The following ARHGAP26 variants were observed in gnomAD, a reference collection of about 807,000 sequenced individuals.
ARHGAP26 encodes the protein rho GTPase-activating protein 26.
In ARHGAP26, 38 loss-of-function variants were observed where a neutral mutation model predicts 104.8. The ratio of observed to expected loss-of-function variants is 0.36; its 90% CI spans 0.28 to 0.48. The LOEUF (loss-of-function observed/expected upper bound fraction) is 0.48. Among genes scored for constraint, ARHGAP26 ranks in the 20% least tolerant of loss-of-function variants. ARHGAP26 has a pLI of 0.99. For missense variants in ARHGAP26, 704 were observed against 947.9 expected, an observed-to-expected ratio of 0.74 and a Z score of 3.38; for synonymous variants, 341 against 340.0, an observed-to-expected ratio of 1.00 and a Z score of -0.03.
intron 1 of ARHGAP26, among the ~76,000 whole-genome samples, chr5:142,815,742 G>A (rs569812062): frequency 2.6e-5 from 4 of 152,032 alleles, no homozygotes; most frequent in African/African-American, 7.2e-5. Flanking sequence ...AGACTCATTC[G>A]AGCCTCACTT....
chr5:142,894,111 T>C, intron 5 of ARHGAP26, 127 bp from the exon 6 acceptor site: 1 of 644,992 alleles, frequency 1.6e-6, no homozygotes, highest in Non-Finnish European at 2.8e-6. Context: ...TTATTCTTCT[T>C]CTGTGTAATG....
chr5:142,866,034 TC>T lies in ARHGAP26; in HGVS notation c.155-7365del, dbSNP rs1255232918. Among the ~76,000 whole-genome samples, 674 of 147,838 alleles carry T rather than the reference TC, an allele frequency of 4.6e-3. 11 individuals are homozygous for T. The East Asian group carries it at 0.059, about 13-fold the overall frequency. ...GCTACTCCCTGTTCTTTTTCTTTTT[TC>T]TTTTTTTTTTTTTGGAAGCCCCCTC... On this transcript the variant is annotated intron_variant, in intron 1 of 22. Transcript: ENST00000645722.
At chr5:143,009,091 G>A (rs1778390630) in intron 11 of ARHGAP26, among the ~76,000 whole-genome samples, 1 of 151,976 alleles carries the variant, frequency 6.6e-6, no homozygotes, top group Admixed American at 6.6e-5. Flanking sequence ...GGTGTTTATC[G>A]TCAGGATCGA....
chr5:142,963,222 G>A (rs763124765), intron 11 of ARHGAP26, among the ~76,000 whole-genome samples: 28 of 65,392 alleles, frequency 4.3e-4, no homozygotes, highest in Non-Finnish European at 5.2e-4. Flanking sequence ...GTGTGTGTGC[G>A]CGTGTGTGTG....
At chr5:142,854,597 G>C (rs1055517569) in intron 1 of ARHGAP26, among the ~76,000 whole-genome samples, 1 of 152,228 alleles carries the variant, frequency 6.6e-6, no homozygotes, top group Non-Finnish European at 1.5e-5. Context: ...GGAAGCAAAG[G>C]AAACTTGACT....
chr5:142,943,434 G>A (rs1766667610), intron 11 of ARHGAP26, among the ~76,000 whole-genome samples: 1 of 152,130 alleles, frequency 6.6e-6, no homozygotes, highest in African/African-American at 2.4e-5. Flanking sequence ...ATTCATAGAT[G>A]GCACCTTTTA....
chr5:142,960,191 C>T (rs1413226213), intron 11 of ARHGAP26, among the ~76,000 whole-genome samples: 1 of 152,252 alleles, frequency 6.6e-6, no homozygotes. Context: ...GCACAGTGAT[C>T]TGGGTTTACA....
intron 20 of ARHGAP26, among the ~76,000 whole-genome samples, chr5:143,191,325 T>C (rs1236521913): frequency 6.6e-6 from 1 of 152,240 alleles, no homozygotes; most frequent in Admixed American, 6.5e-5. Flanking sequence ...TAAATGACTG[T>C]GTACACCTTG....
At chr5:142,857,582 A>G (rs1029171870) in intron 1 of ARHGAP26, among the ~76,000 whole-genome samples, 2 of 152,124 alleles carry the variant, frequency 1.3e-5, no homozygotes, top group African/African-American at 4.8e-5. Context: ...TCACTGTCCT[A>G]GGAGCACCTT....
rs140033531 is a variant in ARHGAP26, at chr5:143,226,956, G to C, written c.*4510G>C. 7.2e-4 allele frequency: 164 copies of C among 227,364 alleles called. 1 individual carries two copies. The highest frequency in any genetic ancestry group is 3.4e-3 in the African/African-American group (155 of 45,134). The allele number at this position is 227,364 out of a possible 1,614,324, so 14.1% of individuals were successfully genotyped here. ...CCTTCTATCCCCTGAGTTTCTATCA[G>C]CTGAAAATGGCAACTGCTGTCTCAG... On this transcript the variant is annotated 3_prime_UTR_variant, in exon 23 of 23. Transcript: ENST00000645722.
At chr5:143,044,469 T>C (rs1177741670) in intron 14 of ARHGAP26, among the ~76,000 whole-genome samples, 1 of 152,048 alleles carries the variant, frequency 6.6e-6, no homozygotes, top group Non-Finnish European at 1.5e-5. Flanking sequence ...GCGAGGACTT[T>C]GCTTGGTCAG....
intron 1 of ARHGAP26, among the ~76,000 whole-genome samples, chr5:142,847,501 G>A (rs1476305070): frequency 6.6e-6 from 1 of 152,142 alleles, no homozygotes; most frequent in East Asian, 1.9e-4. Flanking sequence ...GGGATTACAG[G>A]CATGCGCCAC....
At chr5:143,124,896 G>T (rs1796551075) in intron 18 of ARHGAP26, among the ~76,000 whole-genome samples, 1 of 152,160 alleles carries the variant, frequency 6.6e-6, no homozygotes, top group Non-Finnish European at 1.5e-5. Context: ...TTTCTTATCA[G>T]TGGTTTGTGC....
chr5:142,851,039 T>C (rs968282799), intron 1 of ARHGAP26, among the ~76,000 whole-genome samples: 2 of 152,066 alleles, frequency 1.3e-5, no homozygotes, highest in African/African-American at 4.8e-5. Context: ...AATGATGAAA[T>C]AATTTAATTG....
At chr5:142,825,643 G>A (rs576875166) in intron 1 of ARHGAP26, among the ~76,000 whole-genome samples, 3 of 152,288 alleles carry the variant, frequency 2.0e-5, no homozygotes, top group Admixed American at 6.5e-5. Context: ...TTAGCGGGAC[G>A]ATACATTCCT....
intron 12 of ARHGAP26, among the ~76,000 whole-genome samples, chr5:143,014,806 A>G (rs1331895520): frequency 1.3e-5 from 2 of 152,198 alleles, no homozygotes; most frequent in South Asian, 2.1e-4. Context: ...TCCTTGGTGT[A>G]TAGGAGAAAA....
rs1233870293 is a variant in ARHGAP26 at position 142,991,545 on chromosome 5, C to T, written c.1108-22535C>T. On this transcript the variant is annotated intron_variant, in intron 11 of 22. Transcript: ENST00000645722. ...TCACCTGTCTTCTGCGTCACTCACA[C>T]TGGGAGCTGTAGACTGGAGCTGTTC... Among the ~76,000 whole-genome samples, 3 of 152,310 alleles carry T rather than the reference C, an allele frequency of 2.0e-5. No homozygotes were observed. In the South Asian group the frequency reaches 6.2e-4, roughly 32 times the overall value.
intron 18 of ARHGAP26, among the ~76,000 whole-genome samples, chr5:143,125,237 CCTGT>C (rs1337447161): frequency 6.6e-6 from 1 of 152,208 alleles, no homozygotes; most frequent in African/African-American, 2.4e-5. Context: ...TCTTTGCCTA[CCTGT>C]CTTTCTGTTG....
At chr5:142,972,644 C>A (rs1772453365) in intron 11 of ARHGAP26, among the ~76,000 whole-genome samples, 1 of 152,050 alleles carries the variant, frequency 6.6e-6, no homozygotes, top group Non-Finnish European at 1.5e-5. Flanking sequence ...CACAGTTAAC[C>A]ATTCTCTACC....
Sources: allele counts gnomAD v4.1 joint callset (sites outside exome capture counted in the v4.1 genomes callset), GRCh38; gene constraint gnomAD v4.1.1; transcripts MANE v1.5; gene names NCBI Gene and HGNC (gene_info 2026-07-23, HGNC 2026-07-21).